HPSE2: variants seen among roughly 807,000 people sequenced by gnomAD.
HPSE2 encodes inactive heparanase-2.
A neutral mutation model predicts 60.5 loss-of-function variants in HPSE2; 38 were observed. The observed-to-expected ratio is 0.63, with a 90% CI of 0.48 to 0.82. The LOEUF (loss-of-function observed/expected upper bound fraction) is 0.82. Ranked by LOEUF, HPSE2 falls within the 40% of genes least tolerant of loss-of-function variation. The probability of loss-of-function intolerance (pLI) is 0.00; values close to 1 mark genes in which losing one functional copy is unlikely to be tolerated. For synonymous variants in HPSE2, 295 were observed against 293.2 expected, an observed-to-expected ratio of 1.01 and a Z score of -0.06; for missense variants, 713 against 740.4, an observed-to-expected ratio of 0.96 and a Z score of 0.43.
intron 6 of HPSE2, among the ~76,000 whole-genome samples, chr10:98,652,341 C>T (rs1437669136): frequency 2.6e-5 from 4 of 152,154 alleles, no homozygotes; most frequent in South Asian, 2.1e-4. Flanking sequence ...GCCAACTCAT[C>T]GTCTCTGCCT....
chr10:99,127,577 G>A (rs763595003), intron 3 of HPSE2, among the ~76,000 whole-genome samples: 5 of 152,212 alleles, frequency 3.3e-5, no homozygotes, highest in Non-Finnish European at 7.3e-5. Context: ...TTATTTGAGG[G>A]ACTAATTGGA....
chr10:98,823,849 T>C (rs1242151664), intron 3 of HPSE2, among the ~76,000 whole-genome samples: 1 of 152,044 alleles, frequency 6.6e-6, no homozygotes, highest in Admixed American at 6.6e-5. Context: ...TAAGATAATA[T>C]AAGATTTAAA....
intron 3 of HPSE2, among the ~76,000 whole-genome samples, chr10:98,892,537 G>A (rs1005486724): frequency 6.6e-6 from 1 of 152,058 alleles, no homozygotes; most frequent in Non-Finnish European, 1.5e-5. Context: ...CCCAATCTAC[G>A]AACTCTCAGA....
intron 3 of HPSE2, among the ~76,000 whole-genome samples, chr10:99,141,020 G>C (rs1439279600): frequency 6.6e-6 from 1 of 152,186 alleles, no homozygotes; most frequent in Non-Finnish European, 1.5e-5. Context: ...CTGGGTGACA[G>C]AGCAAGACTC....
Position 98,930,346 on chromosome 10 carries a change from T to C in HPSE2, c.611-186290A>G, listed in dbSNP as rs1954609531. On this transcript the variant is annotated intron_variant, in intron 3 of 11. Coordinates refer to ENST00000370552, the MANE Select transcript of HPSE2 (RefSeq NM_021828.5). ...CCTTTTATGGCTGCATAGTATTTCATGGTGTATATATACCACAGTTTCTTT... is the reference window on the plus strand; with the variant it reads ...CCTTTTATGGCTGCATAGTATTTCACGGTGTATATATACCACAGTTTCTTT... Among the ~76,000 whole-genome samples, 6 of 144,608 alleles carry C rather than the reference T, an allele frequency of 4.1e-5. No individual in the cohort carries two copies. The South Asian group carries it at 1.3e-3, about 30-fold the overall frequency. The allele number at this position is 144,608 out of a possible 152,430, so 94.9% of individuals were successfully genotyped here.
At chr10:98,464,402 C>A (rs113688635) in intron 11 of HPSE2, among the ~76,000 whole-genome samples, 1 of 152,186 alleles carries the variant, frequency 6.6e-6, no homozygotes, top group South Asian at 2.1e-4. Flanking sequence ...GTTTTGCTTC[C>A]GAGTCATATC....
intron 3 of HPSE2, among the ~76,000 whole-genome samples, chr10:99,029,135 T>A (rs537513103): frequency 6.6e-6 from 1 of 152,264 alleles, no homozygotes; most frequent in East Asian, 1.9e-4. Flanking sequence ...ACAAATGGGA[T>A]CACATCAAGT....
intron 4 of HPSE2, among the ~76,000 whole-genome samples, chr10:98,729,871 G>A (rs992727777): frequency 6.6e-6 from 1 of 151,796 alleles, no homozygotes; most frequent in Non-Finnish European, 1.5e-5. Flanking sequence ...ATTGAAGAGA[G>A]AAATAGAAAA....
chr10:99,145,527 T>C (rs1846022999), intron 2 of HPSE2, among the ~76,000 whole-genome samples: 1 of 152,134 alleles, frequency 6.6e-6, no homozygotes, highest in Non-Finnish European at 1.5e-5. Flanking sequence ...AAGTTATTTA[T>C]TAATTTTTTA....
chr10:98,901,430 T>C (rs1428474669), intron 3 of HPSE2, among the ~76,000 whole-genome samples: 1 of 152,226 alleles, frequency 6.6e-6, no homozygotes, highest in Non-Finnish European at 1.5e-5. Context: ...GCAAATCCAA[T>C]CTCCAACTGA....
the HPSE2 span, among the ~76,000 whole-genome samples, chr10:99,289,184 C>T: frequency 6.6e-6 from 1 of 152,100 alleles, no homozygotes; most frequent in South Asian, 2.1e-4. Flanking sequence ...TTGAAACCAT[C>T]CACAGTGCAA....
chr10:99,072,377 G>A (rs1842820336), intron 3 of HPSE2, among the ~76,000 whole-genome samples: 1 of 152,114 alleles, frequency 6.6e-6, no homozygotes, highest in Non-Finnish European at 1.5e-5. Context: ...TACAGAATGG[G>A]AGAAAAATTT....
At chr10:98,597,753 T>C (rs1307629109) in intron 9 of HPSE2, among the ~76,000 whole-genome samples, 1 of 151,746 alleles carries the variant, frequency 6.6e-6, no homozygotes, top group Non-Finnish European at 1.5e-5. Flanking sequence ...AGGCAGGCAT[T>C]TGAGGTCAGG....
chr10:98,938,737 C>T (rs573706542), intron 3 of HPSE2, among the ~76,000 whole-genome samples: 1 of 143,186 alleles, frequency 7.0e-6, no homozygotes, highest in East Asian at 2.0e-4. Flanking sequence ...ACAGAGAACG[C>T]CACAAAGATA....
chr10:98,752,736 C>T (rs1166571377), intron 3 of HPSE2, among the ~76,000 whole-genome samples: 1 of 152,092 alleles, frequency 6.6e-6, no homozygotes, highest in African/African-American at 2.4e-5. Context: ...AAGATATCTG[C>T]ACTCCCATGT....
At chr10:99,145,227 C>A (rs564017505) in intron 2 of HPSE2, among the ~76,000 whole-genome samples, 2 of 152,100 alleles carry the variant, frequency 1.3e-5, no homozygotes, top group Non-Finnish European at 2.9e-5. Flanking sequence ...GAGGCCAAGG[C>A]GGGCAGATCA....
At chr10:98,481,496 T>C (rs1040502340) in intron 11 of HPSE2, among the ~76,000 whole-genome samples, 3 of 152,072 alleles carry the variant, frequency 2.0e-5, no homozygotes, top group African/African-American at 7.2e-5. Context: ...AAATACTCAA[T>C]AGAGTCCTGC....
At chr10:99,150,949 G>A (rs1464001980) in intron 2 of HPSE2, among the ~76,000 whole-genome samples, 1 of 152,038 alleles carries the variant, frequency 6.6e-6, no homozygotes, top group East Asian at 1.9e-4. Flanking sequence ...TCTCTGAACA[G>A]TCATTGGCTG....
intron 9 of HPSE2, among the ~76,000 whole-genome samples, chr10:98,586,791 C>T (rs1944952481): frequency 6.6e-6 from 1 of 152,198 alleles, no homozygotes; most frequent in South Asian, 2.1e-4. Context: ...GTTTCTCCTA[C>T]TCACAGTCGG....
Sources: allele counts gnomAD v4.1 joint callset (sites outside exome capture counted in the v4.1 genomes callset), GRCh38; gene constraint gnomAD v4.1.1; transcripts MANE v1.5; gene names NCBI Gene and HGNC (gene_info 2026-07-23, HGNC 2026-07-21).